EAF2: variants seen among roughly 807,000 people sequenced by gnomAD.
The protein encoded by EAF2 is ELL-associated factor 2.
In EAF2, 29 loss-of-function variants were observed where a neutral mutation model predicts 29.4. That is an observed-to-expected ratio of 0.99 (90% CI 0.73 to 1.35). The LOEUF is 1.35. Among genes scored for constraint, EAF2 ranks in the 40% most tolerant of loss-of-function variants. The pLI, the probability that EAF2 is intolerant of heterozygous loss-of-function variation, is 0.00. For synonymous variants in EAF2, 103 were observed against 102.5 expected (o/e 1.00, Z -0.03); for missense variants, 292 against 312.0 (o/e 0.94, Z 0.48).
chr3:121,873,222 C>T lies in EAF2; in HGVS notation c.736+434C>T, dbSNP rs1709047670. 1.1e-5 allele frequency: 6 copies of T among 528,298 alleles called. 1 individual carries two copies. The South Asian group carries it at 1.4e-4, about 13-fold the overall frequency. 32.7% of individuals were successfully genotyped at this position (528,298 alleles called of 1,614,324 possible). ...TAGACACATGTTTAACATCATCTCCCATCATCTCATCACCTTCAAATTTAC... is the reference window on the plus strand; with the variant it reads ...TAGACACATGTTTAACATCATCTCCTATCATCTCATCACCTTCAAATTTAC... On this transcript the variant is annotated intron_variant, in intron 5 of 5. Transcript: ENST00000273668.
chr3:121,870,061 A>C (rs6788932), intron 4 of EAF2, among the ~76,000 whole-genome samples: 22,114 of 152,018 alleles, frequency 0.15, 1,988 homozygotes, highest in African/African-American at 0.25. Flanking sequence ...AAAAGCACCC[A>C]CCCCAAAAAT....
chr3:121,846,430 C>T (rs1708530451), intron 2 of EAF2, among the ~76,000 whole-genome samples: 1 of 152,158 alleles, frequency 6.6e-6, no homozygotes, highest in South Asian at 2.1e-4. Context: ...GTTCTAGTAT[C>T]TCTAAAACAA....
intron 2 of EAF2, among the ~76,000 whole-genome samples, chr3:121,848,888 A>C (rs1708579690): frequency 6.7e-6 from 1 of 149,656 alleles, no homozygotes; most frequent in Admixed American, 6.7e-5. Flanking sequence ...GCCCCCCCCC[A>C]CACAAAAAAA....
intron 1 of EAF2, among the ~76,000 whole-genome samples, chr3:121,835,701 G>A (rs1219386673): frequency 2.0e-5 from 3 of 152,180 alleles, no homozygotes; most frequent in African/African-American, 7.2e-5. Context: ...TGATGCAGGG[G>A]TGGACAGGAA....
chr3:121,875,755 A>C (rs575849259), intron 5 of EAF2, among the ~76,000 whole-genome samples: 1 of 152,098 alleles, frequency 6.6e-6, no homozygotes, highest in African/African-American at 2.4e-5. Context: ...AAATGAAACA[A>C]ATCTAATAGA....
Position 121,858,949 on chromosome 3 carries a change from T to C in EAF2, c.484+1793T>C, listed in dbSNP as rs1440813502. 2.0e-5 allele frequency among the ~76,000 whole-genome samples: 3 copies of C among 152,204 alleles called. No individual in the cohort carries two copies. In the East Asian group the frequency reaches 5.8e-4, roughly 29 times the overall value. On this transcript the variant is annotated intron_variant, in intron 4 of 5. Transcript: ENST00000273668. The stretch of plus-strand genomic sequence containing the variant: ...GGAATCCTTTCCCCGTTGCTTGTTT[T>C]TGTCAGGTTTGTCAAAGATCAGATG...
chr3:121,853,166 G>A (rs903185762), intron 2 of EAF2, among the ~76,000 whole-genome samples: 4 of 151,982 alleles, frequency 2.6e-5, no homozygotes, highest in Admixed American at 6.6e-5. Flanking sequence ...TTTCATCAAT[G>A]CTTACTTATG....
At chr3:121,849,323 A>C (rs1708586420) in intron 2 of EAF2, among the ~76,000 whole-genome samples, 1 of 152,292 alleles carries the variant, frequency 6.6e-6, no homozygotes, top group African/African-American at 2.4e-5. Flanking sequence ...TACCAAATAG[A>C]AAAAAATTAA....
chr3:121,837,441 T>C (rs1252578007), intron 1 of EAF2: 1 of 152,210 alleles, frequency 6.6e-6, no homozygotes, highest in African/African-American at 2.4e-5. Flanking sequence ...TCTGCCTGTC[T>C]GATATAAGAC....
intron 4 of EAF2, among the ~76,000 whole-genome samples, chr3:121,862,544 T>C (rs1216503739): frequency 2.6e-5 from 4 of 152,212 alleles, no homozygotes. Context: ...GTCTTCTCTA[T>C]GCTGTTTATT....
intron 2 of EAF2, among the ~76,000 whole-genome samples, chr3:121,846,504 CCTGAACCAACCA>C (rs1192059828): frequency 6.6e-6 from 1 of 152,034 alleles, no homozygotes; most frequent in Non-Finnish European, 1.5e-5. Context: ...TAAAGAAAAA[CCTGAACCAACCA>C]CTGAATTTTA....
At chr3:121,836,857 T>C (rs1429271540) in intron 1 of EAF2, 5 of 913,198 alleles carry the variant, frequency 5.5e-6, no homozygotes, top group African/African-American at 1.8e-5. Context: ...AAAAATTTGC[T>C]TAAGAATATA....
At chr3:121,842,049 T>C (rs1708444439) in intron 1 of EAF2, among the ~76,000 whole-genome samples, 1 of 151,388 alleles carries the variant, frequency 6.6e-6, no homozygotes, top group Admixed American at 6.6e-5. Context: ...CCGGGTGTGG[T>C]GTCATGTGCC....
At chr3:121,854,315 C>CA (rs34965578) in intron 2 of EAF2, among the ~76,000 whole-genome samples, 40,874 of 104,256 alleles carry the variant, frequency 0.39, 8,541 homozygotes, top group South Asian at 0.57. Flanking sequence ...GACTCTGTCT[C>CA]AAAAAAAAAA....
At chr3:121,872,407 C>A (rs1213461849) in intron 4 of EAF2, 130 bp from the exon 5 acceptor site, 5 of 683,896 alleles carry the variant, frequency 7.3e-6, no homozygotes, top group Non-Finnish European at 1.1e-5. Context: ...TAATAAAATG[C>A]TTCAAGTACT....
At chr3:121,869,337 C>T (rs978072862) in intron 4 of EAF2, among the ~76,000 whole-genome samples, 2 of 151,724 alleles carry the variant, frequency 1.3e-5, no homozygotes, top group Non-Finnish European at 2.9e-5. Context: ...AAACCCAAAG[C>T]AAGCAAAAAG....
rs1265338064 is a variant in EAF2 at position 121,857,094 on chromosome 3, T to TG, written c.422_423insG (p.His143ThrfsTer5). ...AATTCAGCCAGGACTCCCAATCTTG[T>TG]AAAACATTCTCCATCTGAAGATAAG... On this transcript the variant is annotated frameshift_variant, in exon 4 of 6. Coordinates refer to ENST00000273668, the MANE Select transcript of EAF2 (RefSeq NM_018456.6). LOFTEE classifies it high-confidence loss of function. 1 of 1,613,910 alleles carries TG rather than the reference T, an allele frequency of 6.2e-7. No individual in the cohort carries two copies. Among genetic ancestry groups the TG allele is most frequent in the East Asian group, 2.2e-5 (1 of 44,858 alleles).
At chr3:121,860,187 A>G (rs1168961172) in intron 4 of EAF2, among the ~76,000 whole-genome samples, 1 of 152,206 alleles carries the variant, frequency 6.6e-6, no homozygotes, top group Non-Finnish European at 1.5e-5. Flanking sequence ...GGCCTCATCA[A>G]ATGAGTTAGG....
In EAF2 at chr3:121,875,946, T is replaced by C. The variant is rs544588461; in HGVS notation, c.736+3158T>C. ...ATAAAATGAGAGACCAGCTTAGAGA[T>C]AGAAAAGATTGAGAAGACTAAACAT... is the stretch of plus-strand genomic sequence containing the variant. On this transcript the variant is annotated intron_variant, in intron 5 of 5. Coordinates refer to ENST00000273668, the MANE Select transcript of EAF2 (RefSeq NM_018456.6). Among the ~76,000 whole-genome samples, 409 of 151,688 alleles carry C rather than the reference T, an allele frequency of 2.7e-3. 1 individual carries two copies. Among genetic ancestry groups the C allele is most frequent in the African/African-American group, 9.4e-3 (391 of 41,444 alleles).
Sources: allele counts gnomAD v4.1 joint callset (sites outside exome capture counted in the v4.1 genomes callset), GRCh38; gene constraint gnomAD v4.1.1; transcripts MANE v1.5; gene names NCBI Gene and HGNC (gene_info 2026-07-23, HGNC 2026-07-21).